NGFR: variants seen among roughly 807,000 people sequenced by gnomAD.
NGFR encodes the protein tumor necrosis factor receptor superfamily member 16.
In NGFR, 30 loss-of-function variants were observed where a neutral mutation model predicts 43.2. The observed-to-expected ratio is 0.69, with a 90% CI of 0.52 to 0.94. The LOEUF is 0.94. Among genes scored for constraint, NGFR ranks in the 40% least tolerant of loss-of-function variants. The pLI is 0.00. For synonymous variants in NGFR, 246 were observed against 259.6 expected, an observed-to-expected ratio of 0.95 and a Z score of 0.50; for missense variants, 529 against 602.5, an observed-to-expected ratio of 0.88 and a Z score of 1.28.
At chr17:49,504,750 C>CCTTTATCTTTT (rs2071185945) in intron 2 of NGFR, among the ~76,000 whole-genome samples, 1 of 87,768 alleles carries the variant, frequency 1.1e-5, no homozygotes. Context: ...TCTCCTCTAC[C>CCTTTATCTTTT]CTTTTTCTTT....
intron 2 of NGFR, among the ~76,000 whole-genome samples, chr17:49,503,748 G>A (rs1196288530): frequency 6.6e-6 from 1 of 152,186 alleles, no homozygotes; most frequent in Non-Finnish European, 1.5e-5. Context: ...CTCTGGCCCT[G>A]GCCTAACAGG....
chr17:49,503,449 G>A (rs1362723237), intron 2 of NGFR, among the ~76,000 whole-genome samples: 1 of 152,168 alleles, frequency 6.6e-6, no homozygotes, highest in Non-Finnish European at 1.5e-5. Flanking sequence ...CCCACCTGGA[G>A]GGCTCGAGGG....
intron 3 of NGFR, among the ~76,000 whole-genome samples, chr17:49,509,593 G>A (rs1487812727): frequency 2.6e-5 from 4 of 152,304 alleles, no homozygotes; most frequent in African/African-American, 4.8e-5. Context: ...GTCTCCCCCC[G>A]CCAGCTGAGG....
chr17:49,510,076 A>G (rs1256473686), intron 3 of NGFR, among the ~76,000 whole-genome samples: 3 of 152,306 alleles, frequency 2.0e-5, no homozygotes, highest in Non-Finnish European at 4.4e-5. Context: ...ATAGAATTCC[A>G]GGACCATAGC....
chr17:49,508,430 C>T (rs2071212185), intron 3 of NGFR, among the ~76,000 whole-genome samples: 1 of 152,200 alleles, frequency 6.6e-6, no homozygotes, highest in Non-Finnish European at 1.5e-5. Flanking sequence ...AGACCCTGTT[C>T]CCCTTTCAGC....
At chr17:49,502,008 C>CCCA in intron 1 of NGFR, 55 bp from the exon 2 acceptor site, 1 of 741,912 alleles carries the variant, frequency 1.3e-6, no homozygotes. Flanking sequence ...GAACCCCCCC[C>CCCA]AACCCACCCC....
chr17:49,512,947 A>C lies in NGFR; in HGVS notation c.1222A>C (p.Ile408Leu), dbSNP rs1224024401. The C allele has an allele frequency of 6.2e-7, 1 of 1,610,242 alleles. No homozygotes were observed. Among genetic ancestry groups the C allele is most frequent in the South Asian group, 1.1e-5 (1 of 90,866 alleles). The change falls in exon 6 of 6, where the codon ATC becomes CTC. Residue 408 changes from isoleucine to leucine, a missense_variant. By Grantham distance (5) the Ile-to-Leu change is conservative. Transcript: ENST00000172229. The surrounding 1 kb of genome is among the most constrained non-coding windows in gnomAD (Gnocchi z 5.2). ...LDALLAALRRIQRADLVESLC... is the reference protein window; with the variant it reads ...LDALLAALRRLQRADLVESLC... ...CGCCCTCCTGGCCGCCCTGCGCCGC[A>C]TCCAGCGAGCCGACCTCGTGGAGAG...
intron 3 of NGFR, 48 bp downstream of exon 3, chr17:49,506,706 T>TG (rs1379416808): frequency 5.7e-6 from 3 of 524,464 alleles, no homozygotes; most frequent in Non-Finnish European, 5.4e-6. Context: ...GGGGGTGGGC[T>TG]GGGGGCATAA....
chr17:49,507,581 C>T (rs2071207747), intron 3 of NGFR, among the ~76,000 whole-genome samples: 1 of 152,150 alleles, frequency 6.6e-6, no homozygotes, highest in African/African-American at 2.4e-5. Flanking sequence ...CAGGGCAGAG[C>T]TGTTTTGGTC....
Position 49,512,972 on chromosome 17 carries a change from G to A in NGFR, c.1247G>A (p.Ser416Asn), listed in dbSNP as rs1171465389. The A allele has an allele frequency of 3.1e-6, 5 of 1,601,518 alleles. No homozygotes were observed. In the Admixed American group the frequency reaches 6.7e-5, roughly 22 times the overall value. The part of the protein sequence containing the change: ...RRIQRADLVE[S>N]LCSESTATSP... ...ATCCAGCGAGCCGACCTCGTGGAGAGTCTGTGCAGTGAGTCCACTGCCACA... is the reference window on the plus strand; with the variant it reads ...ATCCAGCGAGCCGACCTCGTGGAGAATCTGTGCAGTGAGTCCACTGCCACA... Residue 416 changes from serine to asparagine, a missense_variant, in exon 6 of 6, where the codon AGT becomes AAT. Coordinates refer to ENST00000172229, the MANE Select transcript of NGFR (RefSeq NM_002507.4). The surrounding 1 kb of genome is among the most constrained non-coding windows in gnomAD (Gnocchi z 5.2).
In NGFR at chr17:49,512,066, C is replaced by A. The variant is rs375329713; in HGVS notation, c.982+14C>A. ...CCTCGGGCCAGGGTGAGCAGCGGCC[C>A]GCTGGGGAGCTGAGGCGGAGCTGAG... On this transcript the variant is annotated intron_variant, in intron 5 of 5. Transcript: ENST00000172229. The surrounding 1 kb of genome is among the most constrained non-coding windows in gnomAD (Gnocchi z 5.2). The A allele has an allele frequency of 6.2e-6, 10 of 1,609,424 alleles. No individual in the cohort carries two copies. In the African/African-American group the frequency reaches 1.1e-4, roughly 17 times the overall value.
intron 1 of NGFR, 64 bp from the exon 2 acceptor site, chr17:49,501,999 A>ACCGCCC: frequency 3.0e-6 from 1 of 330,984 alleles, no homozygotes; most frequent in Non-Finnish European, 5.9e-6. Context: ...TCCCCGGAAG[A>ACCGCCC]ACCCCCCCCA....
At chr17:49,499,581 T>TTTTA (rs537086070) in intron 1 of NGFR, among the ~76,000 whole-genome samples, 27 of 151,962 alleles carry the variant, frequency 1.8e-4, no homozygotes, top group Admixed American at 3.3e-4. Flanking sequence ...ATTATTTTTA[T>TTTTA]TTTATTTATT....
In NGFR at chr17:49,514,289, T is replaced by C; in HGVS notation, c.*1280T>C. ...GGAGGAATGCTCCCCCATCCTCCCC[T>C]TCCCTGCAAACATGGGGTTGGCTGG... On this transcript the variant is annotated 3_prime_UTR_variant, in exon 6 of 6. Coordinates refer to ENST00000172229, the MANE Select transcript of NGFR (RefSeq NM_002507.4). 6.4e-6 allele frequency: 1 copy of C among 156,738 alleles called. No individual in the cohort carries two copies. 9.7% of individuals were successfully genotyped at this position (156,738 alleles called of 1,614,324 possible).
chr17:49,505,831 G>A (rs753412413), intron 2 of NGFR: 1 of 160,284 alleles, frequency 6.2e-6, no homozygotes, highest in Admixed American at 6.4e-5. Flanking sequence ...CACCTGTGTG[G>A]AGAGGAACTG....
chr17:49,504,617 G>A (rs1287286638), intron 2 of NGFR, among the ~76,000 whole-genome samples: 1 of 152,112 alleles, frequency 6.6e-6, no homozygotes, highest in African/African-American at 2.4e-5. Flanking sequence ...GCTTATAAGC[G>A]ATGGAAATGG....
intron 2 of NGFR, among the ~76,000 whole-genome samples, chr17:49,503,178 C>G (rs957192793): frequency 2.0e-5 from 3 of 151,974 alleles, no homozygotes; most frequent in Admixed American, 1.3e-4. Context: ...CCTTAGCCTC[C>G]CAAAGTGTTG....
In NGFR at chr17:49,513,045, C is replaced by A. The variant is rs772558635; in HGVS notation, c.*36C>A. The A allele has an allele frequency of 1.1e-5, 16 of 1,472,060 alleles. No individual in the cohort carries two copies. Among genetic ancestry groups the A allele is most frequent in the South Asian group, 1.4e-5 (1 of 73,506 alleles). 91.2% of individuals were successfully genotyped at this position (1,472,060 alleles called of 1,614,324 possible). A position where few individuals can be genotyped will look rare whatever the true frequency, so the allele number is the denominator to read the frequency against. ...GGAGCCCCCGCCCCGCCCCACATTCCGACAACCGATGCTCCAGCCAACCCC... is the reference window on the plus strand; with the variant it reads ...GGAGCCCCCGCCCCGCCCCACATTCAGACAACCGATGCTCCAGCCAACCCC... On this transcript the variant is annotated 3_prime_UTR_variant, in exon 6 of 6. Coordinates refer to ENST00000172229, the MANE Select transcript of NGFR (RefSeq NM_002507.4).
At chr17:49,502,000 A>ACCCCCCCCCCACC in intron 1 of NGFR, 63 bp from the exon 2 acceptor site, 1 of 264,886 alleles carries the variant, frequency 3.8e-6, no homozygotes, top group Non-Finnish European at 7.9e-6. Flanking sequence ...CCCCGGAAGA[A>ACCCCCCCCCCACC]CCCCCCCCAA....
Sources: gnomAD v4.1 joint callset for allele counts (sites outside exome capture counted in the v4.1 genomes callset) on GRCh38, gnomAD v4.1.1 for gene constraint, Gnocchi (gnomAD v3.1) non-coding constraint, MANE v1.5 for transcripts, NCBI Gene and HGNC (gene_info 2026-07-23, HGNC 2026-07-21) for gene names.